DSCAM: variants seen among roughly 807,000 people sequenced by gnomAD.
DSCAM encodes the protein cell adhesion molecule DSCAM.
DSCAM carries 47 observed loss-of-function variants against 217.7 expected under a neutral mutation model. That is an observed-to-expected ratio of 0.22 (90% CI 0.17 to 0.28). DSCAM has a LOEUF of 0.28. Among genes scored for constraint, DSCAM ranks in the 10% least tolerant of loss-of-function variants. The pLI is 1.00. For synonymous variants in DSCAM, 1,056 were observed against 1,015.3 expected, an observed-to-expected ratio of 1.04 and a Z score of -0.76; for missense variants, 2,080 against 2,618.3, an observed-to-expected ratio of 0.79 and a Z score of 4.49.
At chr21:40,365,513 G>A (rs536057838) in intron 4 of DSCAM, among the ~76,000 whole-genome samples, 17 of 152,182 alleles carry the variant, frequency 1.1e-4, no homozygotes, top group African/African-American at 3.9e-4. Flanking sequence ...ACTTTACCTT[G>A]TGATCACGTG....
intron 3 of DSCAM, among the ~76,000 whole-genome samples, chr21:40,686,243 A>ACAGAGCT (rs2090475605): frequency 1.2e-4 from 8 of 66,538 alleles, no homozygotes; most frequent in South Asian, 5.7e-4. Flanking sequence ...CTCACACACC[A>ACAGAGCT]CACACAGCAC....
intron 24 of DSCAM, among the ~76,000 whole-genome samples, chr21:40,081,115 A>T (rs1308316218): frequency 1.3e-5 from 2 of 152,156 alleles, no homozygotes; most frequent in African/African-American, 4.8e-5. Context: ...TGAAAGGAGG[A>T]TGCAGATCCT....
At chr21:40,685,204 C>T (rs1299601503) in intron 3 of DSCAM, among the ~76,000 whole-genome samples, 1 of 152,218 alleles carries the variant, frequency 6.6e-6, no homozygotes, top group Non-Finnish European at 1.5e-5. Context: ...GATGAGCCAA[C>T]ATCATTTAAA....
At chr21:40,649,406 T>C (rs1340346047) in intron 3 of DSCAM, among the ~76,000 whole-genome samples, 1 of 152,186 alleles carries the variant, frequency 6.6e-6, no homozygotes, top group Admixed American at 6.5e-5. Flanking sequence ...ACAGCCTCCA[T>C]GGGCCAACGT....
chr21:40,185,957 T>C (rs2090890205), intron 14 of DSCAM, among the ~76,000 whole-genome samples: 1 of 152,212 alleles, frequency 6.6e-6, no homozygotes, highest in African/African-American at 2.4e-5. Context: ...TTTGTGTAAG[T>C]GACACCTCAC....
intron 1 of DSCAM, among the ~76,000 whole-genome samples, chr21:40,795,511 G>C (rs1431055254): frequency 1.3e-5 from 2 of 152,174 alleles, no homozygotes; most frequent in Non-Finnish European, 2.9e-5. Context: ...CTGGCAATTA[G>C]ATAACAGTGA....
intron 20 of DSCAM, among the ~76,000 whole-genome samples, chr21:40,107,117 A>C (rs2089831180): frequency 6.6e-6 from 1 of 152,088 alleles, no homozygotes. Flanking sequence ...TAGTACTATA[A>C]ATTTCTCTCT....
intron 32 of DSCAM, among the ~76,000 whole-genome samples, chr21:40,022,807 T>C (rs1266406767): frequency 1.3e-5 from 2 of 152,192 alleles, no homozygotes; most frequent in Admixed American, 6.5e-5. Context: ...ATCTAAACTT[T>C]TTATTAGCAA....
intron 3 of DSCAM, among the ~76,000 whole-genome samples, chr21:40,607,622 C>T (rs2089258395): frequency 6.6e-6 from 1 of 151,922 alleles, no homozygotes. Context: ...TGGGGGTTTC[C>T]CTCACACTGT....
intron 32 of DSCAM, among the ~76,000 whole-genome samples, chr21:40,017,595 CTT>C (rs1369212156): frequency 6.7e-6 from 1 of 149,376 alleles, no homozygotes; most frequent in Non-Finnish European, 1.5e-5. Flanking sequence ...GAGTTTTGCT[CTT>C]GTCGCCCAGG....
chr21:40,022,311 CA>C (rs1259722477), intron 32 of DSCAM, among the ~76,000 whole-genome samples: 40 of 152,216 alleles, frequency 2.6e-4, no homozygotes, highest in African/African-American at 9.6e-4. Flanking sequence ...TGCTGCTCAA[CA>C]TCATCCAATG....
intron 32 of DSCAM, among the ~76,000 whole-genome samples, chr21:40,026,122 G>T (rs536315703): frequency 1.4e-5 from 2 of 141,556 alleles, no homozygotes; most frequent in African/African-American, 5.0e-5. Flanking sequence ...GTTTCATTTC[G>T]TTATGTACCC....
At chr21:40,756,018 G>A (rs1265517789) in intron 1 of DSCAM, among the ~76,000 whole-genome samples, 1 of 152,208 alleles carries the variant, frequency 6.6e-6, no homozygotes, top group Non-Finnish European at 1.5e-5. Flanking sequence ...GTCACTGTAT[G>A]ATACGGTTTG....
At chr21:40,673,354 T>G (rs187673670) in intron 3 of DSCAM, among the ~76,000 whole-genome samples, 84 of 152,312 alleles carry the variant, frequency 5.5e-4, no homozygotes, top group Non-Finnish European at 9.4e-4. Flanking sequence ...CATATTAGAC[T>G]TTATAAAAGT....
chr21:40,301,652 C>T lies in DSCAM; in HGVS notation c.2063-5478G>A, dbSNP rs192077242. Among the ~76,000 whole-genome samples the T allele has an allele frequency of 9.5e-3, 1,081 of 113,394 alleles. 15 individuals are homozygous for T. The highest frequency in any genetic ancestry group is 0.055 in the African/African-American group (1,011 of 18,424). The allele number at this position is 113,394 out of a possible 152,430, so 74.4% of individuals were successfully genotyped here. A position where few individuals can be genotyped will look rare whatever the true frequency, so the allele number is the denominator to read the frequency against. On this transcript the variant is annotated intron_variant, in intron 9 of 32. Coordinates refer to ENST00000400454, the MANE Select transcript of DSCAM (RefSeq NM_001389.5). ...TTAACAGTCTGTGTCCCATACCAGG[C>T]TGTGCATGCTATGAGAACAAGAACC... is the stretch of plus-strand genomic sequence containing the variant.
At chr21:40,806,911 G>A (rs1248297050) in intron 1 of DSCAM, among the ~76,000 whole-genome samples, 1 of 152,066 alleles carries the variant, frequency 6.6e-6, no homozygotes, top group East Asian at 1.9e-4. Flanking sequence ...GTTGAACAAT[G>A]AGAACACATG....
At chr21:40,042,825 G>T in intron 31 of DSCAM, 152 bp from the exon 32 acceptor site, 1 of 698,420 alleles carries the variant, frequency 1.4e-6, no homozygotes, top group Non-Finnish European at 2.3e-6. Flanking sequence ...CCTGCCTTAG[G>T]CACTCTGAGG....
intron 11 of DSCAM, among the ~76,000 whole-genome samples, chr21:40,241,620 A>G (rs575909436): frequency 1.3e-5 from 2 of 152,342 alleles, no homozygotes; most frequent in African/African-American, 4.8e-5. Flanking sequence ...CAGAACTACC[A>G]TTCAACCCAG....
intron 3 of DSCAM, among the ~76,000 whole-genome samples, chr21:40,370,018 T>G (rs1569089524): frequency 6.6e-6 from 1 of 152,176 alleles, no homozygotes; most frequent in Non-Finnish European, 1.5e-5. Flanking sequence ...CTCTAATTTT[T>G]ACCGGTAAAG....
Sources: allele counts gnomAD v4.1 joint callset (sites outside exome capture counted in the v4.1 genomes callset), GRCh38; gene constraint gnomAD v4.1.1; transcripts MANE v1.5; gene names NCBI Gene and HGNC (gene_info 2026-07-23, HGNC 2026-07-21).